PRH1: variants seen among roughly 807,000 people sequenced by gnomAD.
PRH1 encodes the protein proline rich protein HaeIII subfamily 1.
In PRH1, 7 loss-of-function variants were observed where a neutral mutation model predicts 7.9. The observed-to-expected ratio is 0.89, with a 90% CI of 0.50 to 1.67. PRH1 has a LOEUF of 1.67. Ranked by LOEUF, PRH1 falls within the 40% of genes most tolerant of loss-of-function variation. The pLI, the probability that PRH1 is intolerant of heterozygous loss-of-function variation, is 0.00. For synonymous variants in PRH1, 45 were observed against 80.8 expected (o/e 0.56, Z 2.38); for missense variants, 109 against 223.6 (o/e 0.49, Z 3.27).
intron 2 of PRH1, chr12:10,896,694 A>C (rs1949650156): frequency 6.9e-6 from 1 of 144,858 alleles, no homozygotes; most frequent in South Asian, 2.2e-4. Flanking sequence ...CCCAGGAGGC[A>C]GATGTTGCAG....
intron 1 of PRH1, among the ~76,000 whole-genome samples, chr12:10,987,571 T>C (rs1470737815): frequency 6.6e-6 from 1 of 151,638 alleles, no homozygotes; most frequent in Non-Finnish European, 1.5e-5. Context: ...AGAGAGACTG[T>C]GACACCCCTA....
intron 1 of PRH1, among the ~76,000 whole-genome samples, chr12:11,124,316 A>G (rs908612274): frequency 2.6e-5 from 4 of 152,298 alleles, no homozygotes; most frequent in East Asian, 1.9e-4. Flanking sequence ...TTTGAACTCC[A>G]TCATTACCTA....
At chr12:10,909,141 A>T (rs1949855868) in intron 2 of PRH1, 1 of 1,613,940 alleles carries the variant, frequency 6.2e-7, no homozygotes, top group Non-Finnish European at 8.5e-7. Flanking sequence ...AATTCTGGAG[A>T]TTGCCAAGAT....
chr12:10,994,274 G>C (rs906177336), intron 1 of PRH1, among the ~76,000 whole-genome samples: 2 of 152,222 alleles, frequency 1.3e-5, no homozygotes, highest in African/African-American at 4.8e-5. Context: ...GGGATTGGAT[G>C]ATGGAAAGCA....
At chr12:11,002,874 A>G (rs943205376) in intron 1 of PRH1, among the ~76,000 whole-genome samples, 13 of 152,096 alleles carry the variant, frequency 8.5e-5, no homozygotes, top group African/African-American at 2.9e-4. Context: ...TGGGAACAAC[A>G]TGAGTATAAT....
chr12:10,922,833 T>TC (rs1003202816), intron 2 of PRH1, among the ~76,000 whole-genome samples: 5 of 110,710 alleles, frequency 4.5e-5, no homozygotes, highest in African/African-American at 1.4e-4. Context: ...TTCTTTTTCT[T>TC]TTTTTTGAGA....
At chr12:10,897,290 T>G (rs1220360891) in intron 2 of PRH1, among the ~76,000 whole-genome samples, 1 of 152,232 alleles carries the variant, frequency 6.6e-6, no homozygotes, top group Non-Finnish European at 1.5e-5. Flanking sequence ...GTGACTATTT[T>G]ATAGCCAACA....
At chr12:11,167,037 T>TCC (rs1158053562) in intron 1 of PRH1, among the ~76,000 whole-genome samples, 3 of 152,196 alleles carry the variant, frequency 2.0e-5, no homozygotes, top group Non-Finnish European at 2.9e-5. Flanking sequence ...TGGGATAATC[T>TCC]CCCATCTCAA....
At chr12:11,094,026 C>T (rs1945011935) in intron 1 of PRH1, among the ~76,000 whole-genome samples, 1 of 114,256 alleles carries the variant, frequency 8.8e-6, no homozygotes, top group South Asian at 2.4e-4. Context: ...ATCCACCAAA[C>T]CTGGCTTAGA....
At chr12:10,930,948 C>A (rs1350042513) in intron 2 of PRH1, 1 of 1,604,140 alleles carries the variant, frequency 6.2e-7, no homozygotes, top group Non-Finnish European at 8.5e-7. Flanking sequence ...AAGGACCACC[C>A]CAACAGGGAG....
At position 11,007,914 on chromosome 12, in the gene PRH1, T is replaced by G. The variant is rs926421649; in HGVS notation, c.-125-34193A>C. Among the ~76,000 whole-genome samples, 27 of 152,086 alleles carry G rather than the reference T, an allele frequency of 1.8e-4. 1 individual carries two copies. Among genetic ancestry groups the G allele is most frequent in the Admixed American group, 6.6e-5 (1 of 15,230 alleles). On this transcript the variant is annotated intron_variant, in intron 1 of 3. Coordinates refer to the PRH1 transcript ENST00000539853. ...CTTAGGAAAATGGAATCTAAAGACA[T>G]GTGAGATATAAATATCTAATGTAGT...
intron 2 of PRH1, among the ~76,000 whole-genome samples, chr12:10,903,835 T>C (rs550903671): frequency 3.2e-4 from 46 of 145,766 alleles, no homozygotes; most frequent in African/African-American, 1.2e-3. Context: ...AGTTTCAGGA[T>C]ACAAATCAAT....
intron 1 of PRH1, among the ~76,000 whole-genome samples, chr12:11,069,598 C>A (rs1162775482): frequency 2.0e-5 from 3 of 152,126 alleles, no homozygotes; most frequent in Non-Finnish European, 4.4e-5. Context: ...TGAAGACTAA[C>A]CTTGGCAACA....
intron 1 of PRH1, among the ~76,000 whole-genome samples, chr12:11,130,385 T>C (rs770543527): frequency 4.6e-5 from 7 of 152,200 alleles, no homozygotes; most frequent in East Asian, 1.9e-4. Context: ...TCTCTCTATA[T>C]ATTTCCTATC....
At position 10,909,068 on chromosome 12, in the gene PRH1, C is replaced by A. The variant is rs755932142; in HGVS notation, c.-58-24793G>T. On this transcript the variant is annotated intron_variant, in intron 2 of 3. Coordinates refer to the PRH1 transcript ENST00000539853. Reference sequence around the variant, plus strand: ...TCATAATTCTTAATCCTGTTCCAGACACAAATATGGCTAGATAATGCAGAG... The same window carrying A: ...TCATAATTCTTAATCCTGTTCCAGAAACAAATATGGCTAGATAATGCAGAG... The A allele has an allele frequency of 8.1e-6, 13 of 1,613,578 alleles. 1 individual carries two copies. The highest frequency in any genetic ancestry group is 3.3e-5 in the South Asian group (3 of 91,062).
In PRH1 at chr12:11,077,239, A is replaced by C. The variant is rs1944323632; in HGVS notation, n.124-30051T>G. On this transcript the variant is annotated intron_variant and non_coding_transcript_variant, in intron 1 of 4. Coordinates refer to the PRH1 transcript ENST00000541977. ...AAATACATACACTATGGAAAAACTGATAGAAATATAAAATGTTCAAGACAT... is the reference window on the plus strand; with the variant it reads ...AAATACATACACTATGGAAAAACTGCTAGAAATATAAAATGTTCAAGACAT... 1.1e-5 allele frequency: 2 copies of C among 187,844 alleles called. 1 individual carries two copies. The highest frequency in any genetic ancestry group is 5.3e-5 in the African/African-American group (2 of 37,810). 11.6% of individuals were successfully genotyped at this position (187,844 alleles called of 1,614,324 possible). A position where few individuals can be genotyped will look rare whatever the true frequency, so the allele number is the denominator to read the frequency against.
chr12:11,049,746 G>A (rs951456514), upstream of PRH1, among the ~76,000 whole-genome samples: 1 of 152,114 alleles, frequency 6.6e-6, no homozygotes, highest in African/African-American at 2.4e-5. Context: ...TCATAACTAG[G>A]ATAATACCAA....
intron 1 of PRH1, chr12:11,133,574 T>C: frequency 6.2e-7 from 1 of 1,614,254 alleles, no homozygotes; most frequent in Non-Finnish European, 8.5e-7. Flanking sequence ...AGCTTTTATG[T>C]GGACCTTGGT....
chr12:11,112,887 A>G (rs569897511), intron 1 of PRH1, among the ~76,000 whole-genome samples: 1 of 152,322 alleles, frequency 6.6e-6, no homozygotes, highest in Non-Finnish European at 1.5e-5. Flanking sequence ...ACAGGATTGT[A>G]TATTTAGAAA....
Sources: allele counts gnomAD v4.1 joint callset (sites outside exome capture counted in the v4.1 genomes callset), GRCh38; gene constraint gnomAD v4.1.1; transcripts MANE v1.5; gene names NCBI Gene and HGNC (gene_info 2026-07-23, HGNC 2026-07-21).